SIK3: variants seen among roughly 807,000 people sequenced by gnomAD.
SIK3 encodes serine/threonine-protein kinase SIK3.
In SIK3, 28 loss-of-function variants were observed where a neutral mutation model predicts 144.2. The ratio of observed to expected loss-of-function variants is 0.19; its 90% CI spans 0.14 to 0.27. SIK3 has a LOEUF of 0.27. Ranked by LOEUF, SIK3 falls within the 10% of genes least tolerant of loss-of-function variation. The pLI is 1.00. For synonymous variants in SIK3, 686 were observed against 676.3 expected (o/e 1.01, Z -0.22); for missense variants, 1,319 against 1,776.0 (o/e 0.74, Z 4.62).
intron 1 of SIK3, among the ~76,000 whole-genome samples, chr11:116,982,290 T>C (rs1950166364): frequency 6.8e-6 from 1 of 145,996 alleles, no homozygotes; most frequent in Non-Finnish European, 1.5e-5. Context: ...TATGAAATGA[T>C]GCTTTTTTTT....
intron 1 of SIK3, among the ~76,000 whole-genome samples, chr11:117,024,054 T>A (rs2135758981): frequency 6.6e-6 from 1 of 152,110 alleles, no homozygotes; most frequent in Non-Finnish European, 1.5e-5. Flanking sequence ...CTGTATATTC[T>A]CCAAGCCCAC....
chr11:117,012,246 T>C (rs918756070), intron 1 of SIK3, among the ~76,000 whole-genome samples: 1 of 152,202 alleles, frequency 6.6e-6, no homozygotes, highest in African/African-American at 2.4e-5. Context: ...AGTGTTGGGA[T>C]TATAGGCATG....
chr11:116,869,880 A>G, intron 14 of SIK3: 1 of 316,140 alleles, frequency 3.2e-6, no homozygotes, highest in South Asian at 2.7e-5. Context: ...AGCACACAGC[A>G]AACAGTACAA....
intron 6 of SIK3, among the ~76,000 whole-genome samples, chr11:116,891,829 T>C (rs1945133065): frequency 1.3e-5 from 2 of 150,926 alleles, no homozygotes; most frequent in Admixed American, 6.6e-5. Context: ...TATTGTTTAA[T>C]TGAGGCAAGG....
At chr11:116,886,148 A>G (rs1290956223) in intron 6 of SIK3, among the ~76,000 whole-genome samples, 2 of 152,222 alleles carry the variant, frequency 1.3e-5, no homozygotes, top group Non-Finnish European at 2.9e-5. Context: ...GGTCATGGGA[A>G]TGAACACGGC....
At chr11:116,994,671 C>T (rs1402305874) in intron 1 of SIK3, among the ~76,000 whole-genome samples, 1 of 152,196 alleles carries the variant, frequency 6.6e-6, no homozygotes, top group African/African-American at 2.4e-5. Flanking sequence ...TAAGCCATCA[C>T]TGTCGGACTA....
intron 6 of SIK3, 30 bp downstream of exon 6, chr11:116,896,223 T>C: frequency 6.2e-7 from 1 of 1,611,608 alleles, no homozygotes; most frequent in African/African-American, 1.3e-5. Flanking sequence ...CATGAACCCA[T>C]TCATAGCTGT....
chr11:116,860,566 C>A (rs984642562), intron 19 of SIK3, among the ~76,000 whole-genome samples: 1 of 152,190 alleles, frequency 6.6e-6, no homozygotes, highest in African/African-American at 2.4e-5. Context: ...GTTCTGGTAG[C>A]TGCTTTTTAT....
chr11:116,946,854 G>T (rs577846867), intron 3 of SIK3, among the ~76,000 whole-genome samples: 81 of 151,980 alleles, frequency 5.3e-4, no homozygotes, highest in Admixed American at 2.0e-4. Flanking sequence ...GTTGGCTCAC[G>T]CCTGTAATCC....
intron 1 of SIK3, among the ~76,000 whole-genome samples, chr11:117,000,461 T>C (rs1198415581): frequency 6.6e-6 from 1 of 152,244 alleles, no homozygotes; most frequent in Non-Finnish European, 1.5e-5. Flanking sequence ...TGCCTTTTAA[T>C]GCACAGTTCT....
At chr11:116,852,940 A>G (rs1489468433) in intron 21 of SIK3, among the ~76,000 whole-genome samples, 4 of 152,172 alleles carry the variant, frequency 2.6e-5, no homozygotes, top group African/African-American at 9.7e-5. Flanking sequence ...AAAGACCTGG[A>G]AGGGCTAGCA....
At chr11:116,954,160 C>T (rs185780381) in intron 2 of SIK3, 53 bp from the exon 3 acceptor site, 6 of 1,463,950 alleles carry the variant, frequency 4.1e-6, no homozygotes, top group Non-Finnish European at 5.7e-6. Context: ...CAGGCTGATA[C>T]AGGAAGATAA....
At chr11:116,983,080 A>C (rs1365642152) in intron 1 of SIK3, among the ~76,000 whole-genome samples, 3 of 152,020 alleles carry the variant, frequency 2.0e-5, no homozygotes, top group African/African-American at 7.2e-5. Flanking sequence ...ATAAAAAATT[A>C]GCCGGGCGTG....
chr11:117,055,153 A>T (rs1953454019), intron 1 of SIK3, among the ~76,000 whole-genome samples: 1 of 152,218 alleles, frequency 6.6e-6, no homozygotes, highest in Non-Finnish European at 1.5e-5. Flanking sequence ...GACTTTAGAT[A>T]AACTGAGTTT....
intron 3 of SIK3, among the ~76,000 whole-genome samples, chr11:116,947,233 A>G (rs940129883): frequency 4.1e-4 from 3 of 7,264 alleles, no homozygotes; most frequent in Non-Finnish European, 1.0e-3. Flanking sequence ...AATTATTTAT[A>G]TATTTTATAT....
intron 6 of SIK3, among the ~76,000 whole-genome samples, chr11:116,889,441 C>T (rs188564676): frequency 1.3e-5 from 2 of 152,044 alleles, no homozygotes; most frequent in East Asian, 3.9e-4. Context: ...GTGGCACAGG[C>T]CTATAGTCCT....
At chr11:116,919,628 G>GT (rs1946852394) in intron 4 of SIK3, among the ~76,000 whole-genome samples, 4 of 152,144 alleles carry the variant, frequency 2.6e-5, no homozygotes, top group Admixed American at 1.3e-4. Flanking sequence ...CTACATTTCA[G>GT]TTTTTTCTCA....
intron 6 of SIK3, among the ~76,000 whole-genome samples, chr11:116,883,000 T>G (rs1037773411): frequency 6.6e-6 from 1 of 152,224 alleles, no homozygotes; most frequent in African/African-American, 2.4e-5. Flanking sequence ...TAAATGACAT[T>G]AAAGTCTTAA....
chr11:116,902,795 C>A (rs1591279891), intron 4 of SIK3, among the ~76,000 whole-genome samples: 1 of 152,192 alleles, frequency 6.6e-6, no homozygotes, highest in Non-Finnish European at 1.5e-5. Context: ...TCCCTGCCTA[C>A]AAGACACCTT....
Sources: gnomAD v4.1 joint callset for allele counts (sites outside exome capture counted in the v4.1 genomes callset) on GRCh38, gnomAD v4.1.1 for gene constraint, MANE v1.5 for transcripts, NCBI Gene and HGNC (gene_info 2026-07-23, HGNC 2026-07-21) for gene names.